FCHSD2: variants seen among roughly 807,000 people sequenced by gnomAD.
FCHSD2 encodes the protein F-BAR and double SH3 domains protein 2.
In FCHSD2, 38 loss-of-function variants were observed where a neutral mutation model predicts 108.1. That is an observed-to-expected ratio of 0.35 (90% confidence interval 0.27 to 0.46). FCHSD2 has a LOEUF of 0.46. Among genes scored for constraint, FCHSD2 ranks in the 20% least tolerant of loss-of-function variants. The pLI is 1.00. For missense variants in FCHSD2, 751 were observed against 897.8 expected (o/e 0.84, Z 2.09); for synonymous variants, 279 against 314.7 (o/e 0.89, Z 1.20).
Position 73,035,696 on chromosome 11 carries a change from TTTTA to T in FCHSD2, c.166-19815_166-19812del, listed in dbSNP as rs35623691. On this transcript the variant is annotated intron_variant, in intron 3 of 19. Coordinates refer to ENST00000409418, the MANE Select transcript of FCHSD2 (RefSeq NM_014824.3). ...ACTGAACAGTACTGAAATGTTCAGT[TTTTA>T]TTTATTTATTTATTTATTTATTTAT... Among the ~76,000 whole-genome samples, 641 of 125,916 alleles carry T rather than the reference TTTTA, an allele frequency of 5.1e-3. 5 individuals carry two copies. The highest frequency in any genetic ancestry group is 1.0e-2 in the African/African-American group (360 of 36,180). The allele number at this position is 125,916 out of a possible 152,430, so 82.6% of individuals were successfully genotyped here.
At chr11:72,992,429 A>G (rs1284429943) in intron 5 of FCHSD2, among the ~76,000 whole-genome samples, 2 of 152,206 alleles carry the variant, frequency 1.3e-5, no homozygotes, top group Non-Finnish European at 2.9e-5. Flanking sequence ...TATGGAACCA[A>G]AAAAGAGCCC....
intron 8 of FCHSD2, among the ~76,000 whole-genome samples, chr11:72,951,430 A>G (rs1213126960): frequency 6.6e-6 from 1 of 152,224 alleles, no homozygotes; most frequent in Admixed American, 6.5e-5. Context: ...GCTCTAGGGC[A>G]GAGTTTCTCA....
At chr11:73,064,662 G>A (rs1466061544) in intron 3 of FCHSD2, among the ~76,000 whole-genome samples, 2 of 151,890 alleles carry the variant, frequency 1.3e-5, no homozygotes, top group Non-Finnish European at 2.9e-5. Context: ...GATATCCTGT[G>A]GGATATTCTT....
At chr11:72,859,579 A>G (rs1861517040) in intron 13 of FCHSD2, among the ~76,000 whole-genome samples, 1 of 152,160 alleles carries the variant, frequency 6.6e-6, no homozygotes, top group Non-Finnish European at 1.5e-5. Context: ...CAGTATACAT[A>G]AGGTTCGGTA....
At chr11:73,029,523 C>T (rs1478270715) in intron 3 of FCHSD2, among the ~76,000 whole-genome samples, 1 of 152,182 alleles carries the variant, frequency 6.6e-6, no homozygotes, top group Non-Finnish European at 1.5e-5. Flanking sequence ...CCTGGAACAA[C>T]TCCTATGCTC....
chr11:73,051,468 T>C (rs1036966161), intron 3 of FCHSD2, among the ~76,000 whole-genome samples: 12 of 152,178 alleles, frequency 7.9e-5, no homozygotes, highest in African/African-American at 2.9e-4. Context: ...TTACACCTAA[T>C]TTACAAACAG....
intron 13 of FCHSD2, among the ~76,000 whole-genome samples, chr11:72,858,074 A>G (rs970885993): frequency 1.9e-4 from 29 of 152,226 alleles, no homozygotes; most frequent in Admixed American, 1.9e-3. Flanking sequence ...TTTGGTGCAT[A>G]GGAGGTACTT....
chr11:72,914,963 ATTTTTTTTTTT>A (rs144998272), intron 9 of FCHSD2, among the ~76,000 whole-genome samples: 1 of 120,468 alleles, frequency 8.3e-6, no homozygotes, highest in Non-Finnish European at 1.6e-5. Context: ...CAGAATGGGA[ATTTTTTTTTTT>A]TTTTTTTTTG....
chr11:72,857,796 G>A (rs908109125), intron 13 of FCHSD2, among the ~76,000 whole-genome samples: 1 of 151,972 alleles, frequency 6.6e-6, no homozygotes, highest in African/African-American at 2.4e-5. Context: ...ATCTTTTTGA[G>A]TTGGTTTTGG....
chr11:72,926,234 C>A (rs1053570557), intron 8 of FCHSD2, among the ~76,000 whole-genome samples: 7 of 152,142 alleles, frequency 4.6e-5, no homozygotes, highest in Non-Finnish European at 1.5e-5. Context: ...AGAGTGGGGA[C>A]TGGTGGTGCC....
At chr11:73,132,377 TCA>T (rs1861023723) in intron 2 of FCHSD2, among the ~76,000 whole-genome samples, 2 of 152,214 alleles carry the variant, frequency 1.3e-5, no homozygotes, top group South Asian at 4.1e-4. Context: ...TAATCTTGTT[TCA>T]CACATACAAA....
At chr11:73,079,297 A>C (rs989226561) in intron 3 of FCHSD2, among the ~76,000 whole-genome samples, 13 of 151,644 alleles carry the variant, frequency 8.6e-5, no homozygotes, top group Admixed American at 8.6e-4. Context: ...TCTGGTTTCA[A>C]GTGATTCTCC....
At chr11:73,073,002 G>A (rs1399976568) in intron 3 of FCHSD2, among the ~76,000 whole-genome samples, 1 of 152,176 alleles carries the variant, frequency 6.6e-6, no homozygotes, top group Non-Finnish European at 1.5e-5. Context: ...CGCCCTTAAA[G>A]TCCACAATGT....
intron 3 of FCHSD2, among the ~76,000 whole-genome samples, chr11:73,047,685 C>G (rs920836203): frequency 2.6e-5 from 4 of 152,208 alleles, no homozygotes; most frequent in African/African-American, 9.6e-5. Context: ...ACCCCCTTCT[C>G]TTTTCCTTTC....
chr11:72,859,918 T>A (rs1861526071), intron 13 of FCHSD2, among the ~76,000 whole-genome samples: 1 of 152,166 alleles, frequency 6.6e-6, no homozygotes, highest in Non-Finnish European at 1.5e-5. Context: ...ACAGAACAGC[T>A]GTCCCCAATC....
At chr11:72,909,358 G>C (rs1591388910) in intron 9 of FCHSD2, among the ~76,000 whole-genome samples, 2 of 152,164 alleles carry the variant, frequency 1.3e-5, no homozygotes, top group Admixed American at 1.3e-4. Flanking sequence ...CCAGGCTGGA[G>C]TGCAGTGGCG....
intron 8 of FCHSD2, among the ~76,000 whole-genome samples, chr11:72,936,416 C>T (rs1363810256): frequency 6.6e-6 from 1 of 151,970 alleles, no homozygotes; most frequent in African/African-American, 2.4e-5. Flanking sequence ...ATTTTAATTC[C>T]CTTGTTTTTT....
At chr11:72,883,980 A>G (rs1177085339) in intron 12 of FCHSD2, among the ~76,000 whole-genome samples, 1 of 152,030 alleles carries the variant, frequency 6.6e-6, no homozygotes, top group East Asian at 1.9e-4. Context: ...ATAATACCCA[A>G]GAAAAAAAAA....
intron 8 of FCHSD2, among the ~76,000 whole-genome samples, chr11:72,971,804 C>A (rs1445492161): frequency 6.6e-6 from 1 of 152,140 alleles, no homozygotes; most frequent in Non-Finnish European, 1.5e-5. Flanking sequence ...GGACTTCTGA[C>A]CTACAGAACT....
Sources: allele counts gnomAD v4.1 joint callset (sites outside exome capture counted in the v4.1 genomes callset), GRCh38; gene constraint gnomAD v4.1.1; transcripts MANE v1.5; gene names NCBI Gene and HGNC (gene_info 2026-07-23, HGNC 2026-07-21).